GABRB2: variants seen among roughly 807,000 people sequenced by gnomAD.
GABRB2 encodes the protein gamma-aminobutyric acid receptor subunit beta-2.
A neutral mutation model predicts 54.7 loss-of-function variants in GABRB2; 16 were observed. The observed-to-expected ratio is 0.29, with a 90% CI of 0.20 to 0.44. The LOEUF is 0.44. Ranked by LOEUF, GABRB2 falls within the 20% of genes least tolerant of loss-of-function variation. The probability of loss-of-function intolerance (pLI) is 1.00; values close to 1 mark genes in which losing one functional copy is unlikely to be tolerated. For synonymous variants in GABRB2, 244 were observed against 233.8 expected, an observed-to-expected ratio of 1.04 and a Z score of -0.40; for missense variants, 355 against 644.0, an observed-to-expected ratio of 0.55 and a Z score of 4.86.
rs763669582 is a variant in GABRB2, at chr5:161,546,617, G to A, written c.27C>T (p.Tyr9=). MWRVRKRG[Y]FGIWSFPLII... Reference sequence around the variant, plus strand: ...TTAAGGGGAAGGACCAAATCCCAAAGTAGCCCCTTTTCCGCACTCTCCACA... The same window carrying A: ...TTAAGGGGAAGGACCAAATCCCAAAATAGCCCCTTTTCCGCACTCTCCACA... Residue 9 remains tyrosine, a synonymous_variant, in exon 1 of 10, where the codon TAC becomes TAT. Coordinates refer to ENST00000393959, the MANE Select transcript of GABRB2 (RefSeq NM_001371727.1). 14 of 1,600,036 alleles carry A rather than the reference G, an allele frequency of 8.7e-6. No homozygotes were observed. The East Asian group carries it at 3.1e-4, about 36-fold the overall frequency.
chr5:161,397,923 C>T (rs973833023), intron 5 of GABRB2, among the ~76,000 whole-genome samples: 2 of 152,182 alleles, frequency 1.3e-5, no homozygotes, highest in South Asian at 2.1e-4. Flanking sequence ...ATTTTATTCT[C>T]ATAGGGTAGA....
intron 5 of GABRB2, among the ~76,000 whole-genome samples, chr5:161,380,362 T>C (rs750154094): frequency 4.7e-4 from 72 of 152,172 alleles, no homozygotes; most frequent in Non-Finnish European, 7.1e-4. Context: ...TATTATTTTA[T>C]GAAAAGCCAG....
At chr5:161,454,222 T>C (rs919547453) in intron 4 of GABRB2, among the ~76,000 whole-genome samples, 1 of 152,102 alleles carries the variant, frequency 6.6e-6, no homozygotes, top group Non-Finnish European at 1.5e-5. Flanking sequence ...CTGAGGCGCT[T>C]GCCTTGGGGA....
Position 161,316,721 on chromosome 5 carries a change from C to T in GABRB2, c.1191+9647G>A, listed in dbSNP as rs1028397098. ...CCATCTCCTGGGTTCAAGCGATTCT[C>T]CTGCCTCAGCCTCCTGAGTAGCTGG... is the stretch of plus-strand genomic sequence containing the variant. On this transcript the variant is annotated intron_variant, in intron 9 of 9. Coordinates refer to ENST00000393959, the MANE Select transcript of GABRB2 (RefSeq NM_001371727.1). 5.3e-5 allele frequency among the ~76,000 whole-genome samples: 8 copies of T among 152,254 alleles called. No individual in the cohort carries two copies. In the East Asian group the frequency reaches 1.5e-3, roughly 29 times the overall value.
At chr5:161,477,921 CTG>C (rs897265443) in intron 3 of GABRB2, among the ~76,000 whole-genome samples, 10 of 152,074 alleles carry the variant, frequency 6.6e-5, no homozygotes, top group African/African-American at 2.4e-4. Context: ...CCACTGTAAA[CTG>C]TTCACTTTTA....
intron 5 of GABRB2, among the ~76,000 whole-genome samples, chr5:161,401,651 A>G (rs550349494): frequency 6.6e-6 from 1 of 152,328 alleles, no homozygotes; most frequent in South Asian, 2.1e-4. Flanking sequence ...AATGCTGCCC[A>G]TGTAACATTT....
At chr5:161,462,186 C>T (rs966106900) in intron 3 of GABRB2, among the ~76,000 whole-genome samples, 2 of 152,132 alleles carry the variant, frequency 1.3e-5, no homozygotes, top group African/African-American at 4.8e-5. Flanking sequence ...AAATAGTTGT[C>T]GGTGAAATTC....
At chr5:161,329,129 T>C (rs1003406129) in intron 8 of GABRB2, among the ~76,000 whole-genome samples, 2 of 152,150 alleles carry the variant, frequency 1.3e-5, no homozygotes, top group Non-Finnish European at 2.9e-5. Flanking sequence ...CAAATTGGTA[T>C]AAAAAATAGG....
At chr5:161,396,919 G>A (rs1326700072) in intron 5 of GABRB2, among the ~76,000 whole-genome samples, 1 of 152,086 alleles carries the variant, frequency 6.6e-6, no homozygotes, top group East Asian at 1.9e-4. Context: ...CTGTAAAACA[G>A]GAATGACATT....
chr5:161,427,937 TTAAGTGA>T (rs1561646404), intron 4 of GABRB2, among the ~76,000 whole-genome samples: 2 of 152,268 alleles, frequency 1.3e-5, no homozygotes, highest in African/African-American at 4.8e-5. Flanking sequence ...GCAATTATTT[TTAAGTGA>T]TTAAGATGCA....
Position 161,300,879 on chromosome 5 carries a change from A to G in GABRB2, c.1192-6451T>C, listed in dbSNP as rs1757516070. 3.3e-5 allele frequency among the ~76,000 whole-genome samples: 5 copies of G among 152,192 alleles called. 1 individual carries two copies. The South Asian group carries it at 6.2e-4, about 19-fold the overall frequency. On this transcript the variant is annotated intron_variant, in intron 9 of 9. Coordinates refer to ENST00000393959, the MANE Select transcript of GABRB2 (RefSeq NM_001371727.1). ...AATACACAAGCTGGAGACTGACCAC[A>G]GTCCACACCACCAAGCTGAAAAACA...
intron 4 of GABRB2, among the ~76,000 whole-genome samples, chr5:161,447,053 T>C (rs747541474): frequency 6.6e-6 from 1 of 152,140 alleles, no homozygotes; most frequent in African/African-American, 2.4e-5. Context: ...AGGCTAATAA[T>C]AGCAACCAAT....
intron 5 of GABRB2, among the ~76,000 whole-genome samples, chr5:161,393,734 A>G (rs1238095698): frequency 6.6e-6 from 1 of 152,118 alleles, no homozygotes; most frequent in African/African-American, 2.4e-5. Flanking sequence ...ATATGGAACA[A>G]ATAATGGCCT....
intron 3 of GABRB2, among the ~76,000 whole-genome samples, chr5:161,488,996 T>C (rs997096729): frequency 6.6e-6 from 1 of 151,728 alleles, no homozygotes; most frequent in African/African-American, 2.4e-5. Flanking sequence ...TTATTAGAGA[T>C]GAGAGATGCT....
rs56952727 is a variant in GABRB2, at chr5:161,545,437, T to TAAAA, written c.170-147_170-144dup. The stretch of plus-strand genomic sequence containing the variant: ...TTTTTCAATTCTCTGCTTTTTTTGT[T>TAAAA]AAAAAAAAAAAAAAAAAAGGTAGCA... On this transcript the variant is annotated intron_variant, in intron 2 of 9. Coordinates refer to ENST00000393959, the MANE Select transcript of GABRB2 (RefSeq NM_001371727.1). 6.2e-4 allele frequency: 202 copies of TAAAA among 324,400 alleles called. 1 individual carries two copies. The highest frequency in any genetic ancestry group is 3.8e-3 in the African/African-American group (157 of 41,476). 20.1% of individuals were successfully genotyped at this position (324,400 alleles called of 1,614,324 possible). A position where few individuals can be genotyped will look rare whatever the true frequency, so the allele number is the denominator to read the frequency against.
chr5:161,333,937 T>C (rs1451478924), intron 7 of GABRB2, among the ~76,000 whole-genome samples: 2 of 152,236 alleles, frequency 1.3e-5, no homozygotes, highest in Non-Finnish European at 2.9e-5. Flanking sequence ...ATTAAATTTA[T>C]TGTATATCTT....
At chr5:161,503,804 T>C (rs1759521206) in intron 3 of GABRB2, among the ~76,000 whole-genome samples, 4 of 152,032 alleles carry the variant, frequency 2.6e-5, no homozygotes. Flanking sequence ...GACTCATTTA[T>C]TTGCCCTTCA....
At chr5:161,297,170 G>A (rs1757402692) in intron 9 of GABRB2, among the ~76,000 whole-genome samples, 1 of 152,076 alleles carries the variant, frequency 6.6e-6, no homozygotes, top group Non-Finnish European at 1.5e-5. Context: ...TGGGAGGGTG[G>A]TAGGGTGGGG....
intron 3 of GABRB2, among the ~76,000 whole-genome samples, chr5:161,492,371 TC>T (rs764929511): frequency 1.9e-4 from 29 of 151,730 alleles, no homozygotes; most frequent in Non-Finnish European, 3.2e-4. Context: ...ATTATTCTAT[TC>T]CCTACTTGAT....
Sources: gnomAD v4.1 joint callset for allele counts (sites outside exome capture counted in the v4.1 genomes callset) on GRCh38, gnomAD v4.1.1 for gene constraint, MANE v1.5 for transcripts, NCBI Gene and HGNC (gene_info 2026-07-23, HGNC 2026-07-21) for gene names.